The following TMEM132E variants were observed in gnomAD, a reference collection of about 807,000 sequenced individuals.
TMEM132E encodes transmembrane protein 132E.
In TMEM132E, 49 loss-of-function variants were observed where a neutral mutation model predicts 78.5. That is an observed-to-expected ratio of 0.62 (90% CI 0.50 to 0.79). The LOEUF is 0.79. Among genes scored for constraint, TMEM132E ranks in the 30% least tolerant of loss-of-function variants. The pLI is 0.00. For synonymous variants in TMEM132E, 715 were observed against 670.6 expected (o/e 1.07, Z -1.02); for missense variants, 1,403 against 1,470.9 (o/e 0.95, Z 0.75).
intron 1 of TMEM132E, among the ~76,000 whole-genome samples, chr17:34,622,837 C>T (rs1907002581): frequency 6.6e-6 from 1 of 152,140 alleles, no homozygotes; most frequent in African/African-American, 2.4e-5. Context: ...GAAACAGACA[C>T]ATGCATATAA....
rs562049048 is a variant in TMEM132E, at chr17:34,602,036, C to T, written c.67+20893C>T. Among the ~76,000 whole-genome samples, 455 of 152,336 alleles carry T rather than the reference C, an allele frequency of 3.0e-3. 2 individuals carry two copies. The highest frequency in any genetic ancestry group is 0.01 in the African/African-American group (417 of 41,586). ...AGGCACTGGGTCCATGGTCTGGCCC[C>T]TTGGGAGTCCTGCTACCATGGCCCC... On this transcript the variant is annotated intron_variant, in intron 1 of 8. Transcript: ENST00000631683.
intron 2 of TMEM132E, among the ~76,000 whole-genome samples, chr17:34,627,505 T>TGTGTGTGTGTGTGTGTGTG (rs59547151): frequency 9.7e-4 from 144 of 148,722 alleles, no homozygotes; most frequent in South Asian, 1.3e-3. Context: ...TGTGTGTGTG[T>TGTGTGTGTGTGTGTGTGTG]TTTGGGACAT....
At chr17:34,617,529 G>A (rs866961681) in intron 1 of TMEM132E, among the ~76,000 whole-genome samples, 21 of 152,322 alleles carry the variant, frequency 1.4e-4, no homozygotes, top group Middle Eastern at 6.8e-3. Flanking sequence ...ATGAATGAAC[G>A]AATGAACACT....
rs1907242160 is a variant in TMEM132E at position 34,628,705 on chromosome 17, C to G, written c.1141C>G (p.Pro381Ala). The G allele has an allele frequency of 6.3e-7, 1 of 1,590,440 alleles. No homozygotes were observed. The highest frequency in any genetic ancestry group is 2.3e-5 in the East Asian group (1 of 44,272). The change falls in exon 3 of 9, where the codon CCC becomes GCC. Residue 381 changes from proline to alanine, a missense_variant. Transcript: ENST00000631683. ...VAWAQSTPLP[P>A]REGQGPLEIL... ...CTGGGCTCAGAGCACACCCCTGCCC[C>G]CCAGGTGAGCCCGAGGTGGTGCATC... is the stretch of plus-strand genomic sequence containing the variant.
intron 5 of TMEM132E, among the ~76,000 whole-genome samples, chr17:34,631,619 G>A (rs181091707): frequency 6.6e-6 from 1 of 152,268 alleles, no homozygotes; most frequent in Admixed American, 6.5e-5. Context: ...TTTCTGGCAG[G>A]GCTGCTGTCC....
rs768738956 is a variant in TMEM132E at position 34,637,455 on chromosome 17, C to A, written c.2448C>A (p.Asp816Glu). 10 of 1,613,146 alleles carry A rather than the reference C, an allele frequency of 6.2e-6. No individual in the cohort carries two copies. The highest frequency in any genetic ancestry group is 8.5e-6 in the Non-Finnish European group (10 of 1,179,964). ...GCCTGCGGGTGCACTTTGGGAGGGA[C>A]GAGGAGGACCCCACTTATGACTACC... ...PVGLRVHFGR[D>E]EEDPTYDYPG... The change falls in exon 9 of 9, where the codon GAC becomes GAA. Residue 816 changes from aspartate to glutamate, a missense_variant. This residue lies in a region of TMEM132E where 888 missense variants were observed against 952.8 expected (regional missense o/e 0.93). Coordinates refer to ENST00000631683, the MANE Select transcript of TMEM132E (RefSeq NM_001304438.2).
At chr17:34,613,992 A>G (rs1255374656) in intron 1 of TMEM132E, among the ~76,000 whole-genome samples, 1 of 152,124 alleles carries the variant, frequency 6.6e-6, no homozygotes, top group Non-Finnish European at 1.5e-5. Context: ...CAAGCACACC[A>G]GTGTGGCCTC....
intron 1 of TMEM132E, 36 bp downstream of exon 1, chr17:34,581,179 G>A (rs752508411): frequency 7.1e-4 from 1,055 of 1,489,808 alleles, no homozygotes; most frequent in Non-Finnish European, 9.0e-4. Flanking sequence ...GTGAGGATGC[G>A]GCAGGCGCCA....
rs189572250 is a variant in TMEM132E, at chr17:34,630,028, G to A, written c.1359G>A (p.Thr453=). 44 of 1,611,444 alleles carry A rather than the reference G, an allele frequency of 2.7e-5. No homozygotes were observed. Among genetic ancestry groups the A allele is most frequent in the Admixed American group, 2.3e-4 (14 of 59,958 alleles). Residue 453 remains threonine (T), a synonymous_variant, in exon 5 of 9, where the codon ACG becomes ACA. Transcript: ENST00000631683. The part of the protein sequence containing the change: ...PLAMDTEIIN[T]AILTGRTVAI... ...TGCAGGACACAGAGATCATCAACACGGCCATTCTGACTGGCCGGACAGTGG... is the reference window on the plus strand; with the variant it reads ...TGCAGGACACAGAGATCATCAACACAGCCATTCTGACTGGCCGGACAGTGG...
intron 1 of TMEM132E, among the ~76,000 whole-genome samples, chr17:34,599,087 G>A (rs901954589): frequency 1.3e-5 from 2 of 152,224 alleles, no homozygotes; most frequent in Non-Finnish European, 2.9e-5. Context: ...GAGAAACAGA[G>A]AGGGAGGGCC....
chr17:34,628,302 T>C (rs1257286790), intron 2 of TMEM132E, among the ~76,000 whole-genome samples: 2 of 152,178 alleles, frequency 1.3e-5, no homozygotes, highest in Non-Finnish European at 2.9e-5. Context: ...GTCACTAAGG[T>C]ATGCCAGTAG....
In TMEM132E at chr17:34,610,623, T is replaced by C. The variant is rs564034677; in HGVS notation, c.68-15504T>C. 2.3e-4 allele frequency among the ~76,000 whole-genome samples: 35 copies of C among 152,268 alleles called. No homozygotes were observed. The South Asian group carries it at 7.1e-3, about 31-fold the overall frequency. ...GCTGAGGGAGGTCCCCAAACACCGG[T>C]GCAAAGCAGCTGGTGTCGAGGCTCT... On this transcript the variant is annotated intron_variant, in intron 1 of 8. Transcript: ENST00000631683.
At position 34,581,055 on chromosome 17, in the gene TMEM132E, C is replaced by T. The variant is rs753004664; in HGVS notation, c.-22C>T. On this transcript the variant is annotated 5_prime_UTR_variant, in exon 1 of 9. Transcript: ENST00000631683. ...GTCGTCGACTGTTGCTCTCTCGGAC[C>T]CCTCCCGCCCCCGCCTCGGCCATGG... 3 of 1,534,496 alleles carry T rather than the reference C, an allele frequency of 2.0e-6. No homozygotes were observed. The highest frequency in any genetic ancestry group is 1.4e-5 in the African/African-American group (1 of 70,628).
chr17:34,629,349 G>A, intron 4 of TMEM132E, 145 bp downstream of exon 4: 1 of 910,390 alleles, frequency 1.1e-6, no homozygotes, highest in Non-Finnish European at 1.6e-6. Context: ...AGGTATGCCT[G>A]TGTGAGAAGG....
At chr17:34,584,770 C>T (rs1905607702) in intron 1 of TMEM132E, among the ~76,000 whole-genome samples, 1 of 152,208 alleles carries the variant, frequency 6.6e-6, no homozygotes, top group African/African-American at 2.4e-5. Flanking sequence ...GGAGCAGGCC[C>T]ATGCCATGCC....
chr17:34,627,138 G>C, intron 2 of TMEM132E, 81 bp downstream of exon 2: 2 of 1,231,414 alleles, frequency 1.6e-6, no homozygotes, highest in Non-Finnish European at 2.3e-6. Context: ...GGGTTGGGGG[G>C]TGGGGGGACC....
At chr17:34,614,524 A>T (rs535873316) in intron 1 of TMEM132E, 1 of 152,256 alleles carries the variant, frequency 6.6e-6, no homozygotes, top group East Asian at 1.9e-4. Flanking sequence ...AAGCCTGTTG[A>T]TGTCTCTGGT....
chr17:34,601,848 G>A (rs927451045), intron 1 of TMEM132E, among the ~76,000 whole-genome samples: 8 of 152,170 alleles, frequency 5.3e-5, no homozygotes, highest in African/African-American at 1.7e-4. Context: ...TGTCCTGCCC[G>A]AGGGCCTCCA....
At chr17:34,617,113 C>T (rs1011287671) in intron 1 of TMEM132E, among the ~76,000 whole-genome samples, 10 of 152,328 alleles carry the variant, frequency 6.6e-5, no homozygotes, top group African/African-American at 2.4e-4. Context: ...CTGACTGCTA[C>T]CTAGTCCAGA....
Sources: allele counts gnomAD v4.1 joint callset (sites outside exome capture counted in the v4.1 genomes callset), GRCh38; gene constraint gnomAD v4.1.1; regional missense constraint gnomAD v4.1.1; transcripts MANE v1.5; gene names NCBI Gene and HGNC (gene_info 2026-07-23, HGNC 2026-07-21).